SOX6: variants seen among roughly 807,000 people sequenced by gnomAD.
The protein encoded by SOX6 is SRY-box transcription factor 6, also known as transcription factor SOX-6.
In SOX6, 11 loss-of-function variants were observed where a neutral mutation model predicts 97.8. The ratio of observed to expected loss-of-function variants is 0.11; its 90% CI spans 0.07 to 0.19. SOX6 has a LOEUF of 0.19. Among genes scored for constraint, SOX6 ranks in the 10% least tolerant of loss-of-function variants. SOX6 has a pLI of 1.00. For synonymous variants in SOX6, 360 were observed against 371.4 expected, an observed-to-expected ratio of 0.97 and a Z score of 0.35; for missense variants, 810 against 1,039.5, an observed-to-expected ratio of 0.78 and a Z score of 3.04.
At chr11:16,120,666 T>C (rs1486156143) in intron 6 of SOX6, among the ~76,000 whole-genome samples, 2 of 151,974 alleles carry the variant, frequency 1.3e-5, no homozygotes, top group African/African-American at 4.8e-5. Flanking sequence ...GTGAGTTCTC[T>C]TTTCTAATTT....
upstream of SOX6, among the ~76,000 whole-genome samples, chr11:16,360,077 TG>T (rs200154203): frequency 2.6e-3 from 395 of 152,334 alleles, 4 homozygotes; most frequent in East Asian, 6.8e-3. Context: ...ATGTTAACCA[TG>T]TGTCAAAAAC....
At position 16,038,444 on chromosome 11, in the gene SOX6, G is replaced by A. The variant is rs562084352; in HGVS notation, c.1623+8070C>T. 3.9e-5 allele frequency among the ~76,000 whole-genome samples: 6 copies of A among 152,258 alleles called. No homozygotes were observed. In the South Asian group the frequency reaches 1.2e-3, roughly 32 times the overall value. ...GTAGGAAGGAAAGAAAAAAAGAAGGGAAGGTGGAAAGGTGGGAGAGAGAGG... is the reference window on the plus strand; with the variant it reads ...GTAGGAAGGAAAGAAAAAAAGAAGGAAAGGTGGAAAGGTGGGAGAGAGAGG... On this transcript the variant is annotated intron_variant, in intron 12 of 15. Transcript: ENST00000683767.
At chr11:16,037,972 A>G (rs1855560989) in intron 12 of SOX6, among the ~76,000 whole-genome samples, 1 of 152,168 alleles carries the variant, frequency 6.6e-6, no homozygotes, top group Non-Finnish European at 1.5e-5. Context: ...TTTCATATCC[A>G]TGAGTTCCAT....
At chr11:16,602,495 A>G (rs954834984) in intron 4 of SOX6, among the ~76,000 whole-genome samples, 2 of 152,110 alleles carry the variant, frequency 1.3e-5, no homozygotes, top group Non-Finnish European at 2.9e-5. Context: ...TGAGGTTTTC[A>G]AAACTGTAGA....
chr11:16,451,320 A>C (rs1123186), intron 1 of SOX6, among the ~76,000 whole-genome samples: 120,475 of 152,114 alleles, frequency 0.79, 47,964 homozygotes, highest in Middle Eastern at 0.86. Context: ...TTTTAATATA[A>C]GGGATCAAGA....
chr11:16,703,070 T>TA (rs1313811358), intron 3 of SOX6, among the ~76,000 whole-genome samples: 2 of 151,790 alleles, frequency 1.3e-5, no homozygotes, highest in Non-Finnish European at 2.9e-5. Context: ...AATTTGAACT[T>TA]ACTACAGCAT....
At chr11:16,673,652 C>T (rs554902812) in intron 3 of SOX6, among the ~76,000 whole-genome samples, 31 of 152,248 alleles carry the variant, frequency 2.0e-4, no homozygotes, top group Middle Eastern at 6.8e-3. Flanking sequence ...GGCTTCACTG[C>T]TGAATTTTAC....
intron 7 of SOX6, among the ~76,000 whole-genome samples, chr11:16,109,831 C>T (rs909672789): frequency 1.3e-5 from 2 of 151,930 alleles, no homozygotes; most frequent in Non-Finnish European, 2.9e-5. Context: ...TTTTACCAAC[C>T]TTGCTTGTAA....
At chr11:16,724,795 C>T (rs1848294012) in intron 2 of SOX6, among the ~76,000 whole-genome samples, 1 of 152,150 alleles carries the variant, frequency 6.6e-6, no homozygotes, top group African/African-American at 2.4e-5. Context: ...CATAAAACTA[C>T]TCAAACGTAG....
At chr11:16,447,513 T>C (rs552715854) in intron 1 of SOX6, among the ~76,000 whole-genome samples, 3 of 151,948 alleles carry the variant, frequency 2.0e-5, no homozygotes, top group Non-Finnish European at 2.9e-5. Context: ...TCAGTATATA[T>C]AGAGAGAGAA....
At chr11:16,083,612 C>A (rs1848520466) in intron 9 of SOX6, among the ~76,000 whole-genome samples, 1 of 152,156 alleles carries the variant, frequency 6.6e-6, no homozygotes, top group Admixed American at 6.6e-5. Flanking sequence ...AAGAAGCAAT[C>A]AAATTTAGTT....
At chr11:16,461,404 G>T (rs2133106410) in intron 1 of SOX6, among the ~76,000 whole-genome samples, 1 of 152,158 alleles carries the variant, frequency 6.6e-6, no homozygotes, top group East Asian at 1.9e-4. Flanking sequence ...TGGACTATTT[G>T]GTTGTGATGG....
At chr11:16,081,995 C>T (rs1848481979) in intron 9 of SOX6, among the ~76,000 whole-genome samples, 1 of 152,160 alleles carries the variant, frequency 6.6e-6, no homozygotes, top group Admixed American at 6.5e-5. Flanking sequence ...GGTTCCCACA[C>T]AGATATGAAT....
At chr11:16,600,411 T>A (rs1848254733) in intron 4 of SOX6, among the ~76,000 whole-genome samples, 1 of 152,194 alleles carries the variant, frequency 6.6e-6, no homozygotes, top group Admixed American at 6.5e-5. Context: ...TGAGCAAAGA[T>A]ATGAAGGATT....
chr11:16,469,423 A>G (rs1246816564), intron 1 of SOX6, among the ~76,000 whole-genome samples: 3 of 152,164 alleles, frequency 2.0e-5, no homozygotes, highest in Non-Finnish European at 2.9e-5. Context: ...AAATGTTAAG[A>G]CAGACAAAGC....
In SOX6 at chr11:16,559,843, G is replaced by A. The variant is rs188199855; in HGVS notation, n.609+52238C>T. Among the ~76,000 whole-genome samples, 1,218 of 152,158 alleles carry A rather than the reference G, an allele frequency of 8.0e-3. 14 individuals carry two copies. The highest frequency in any genetic ancestry group is 0.028 in the African/African-American group (1,162 of 41,528). ...CTATTCCTCAGGGCCTAAGGAATGCGGCAATATTCACTTTTGAACCCCTGA... is the reference window on the plus strand; with the variant it reads ...CTATTCCTCAGGGCCTAAGGAATGCAGCAATATTCACTTTTGAACCCCTGA... On this transcript the variant is annotated intron_variant and non_coding_transcript_variant, in intron 4 of 5. Coordinates refer to the SOX6 transcript ENST00000524520.
intron 15 of SOX6, among the ~76,000 whole-genome samples, chr11:15,979,397 C>T (rs948993042): frequency 1.3e-5 from 2 of 151,990 alleles, no homozygotes; most frequent in African/African-American, 4.8e-5. Flanking sequence ...TTCCTTGCTA[C>T]AGGCCATTCT....
chr11:16,474,881 T>C (rs1860205763), intron 1 of SOX6, among the ~76,000 whole-genome samples: 1 of 152,210 alleles, frequency 6.6e-6, no homozygotes, highest in Non-Finnish European at 1.5e-5. Context: ...GGCTGTTTCA[T>C]CTACACTGAA....
chr11:16,629,911 A>G (rs1848680342), intron 3 of SOX6, among the ~76,000 whole-genome samples: 1 of 152,052 alleles, frequency 6.6e-6, no homozygotes, highest in Admixed American at 6.6e-5. Context: ...TTTTCTATGG[A>G]TATTTTGTAT....
Sources: allele counts gnomAD v4.1 joint callset (sites outside exome capture counted in the v4.1 genomes callset), GRCh38; gene constraint gnomAD v4.1.1; transcripts MANE v1.5; gene names NCBI Gene and HGNC (gene_info 2026-07-23, HGNC 2026-07-21).